The following PKHD1 variants were observed in gnomAD, a reference collection of about 807,000 sequenced individuals.
PKHD1 encodes fibrocystin.
PKHD1 carries 291 observed loss-of-function variants against 412.0 expected under a neutral mutation model. That is an observed-to-expected ratio of 0.71 (90% CI 0.64 to 0.78). PKHD1 has a LOEUF of 0.78. PKHD1 is among the 30% of genes least tolerant of loss of function. The pLI is 0.00. For missense variants in PKHD1, 4,825 were observed against 4,950.7 expected, an observed-to-expected ratio of 0.97 and a Z score of 0.76; for synonymous variants, 1,777 against 1,821.5, an observed-to-expected ratio of 0.98 and a Z score of 0.62.
chr6:51,931,675 A>G (rs144249735), intron 37 of PKHD1, among the ~76,000 whole-genome samples: 1 of 152,242 alleles, frequency 6.6e-6, no homozygotes, highest in African/African-American at 2.4e-5. Flanking sequence ...GCATCACATC[A>G]GAGAGGAAAT....
intron 54 of PKHD1, 83 bp from the exon 55 acceptor site, chr6:51,772,872 T>C: frequency 1.3e-6 from 1 of 799,596 alleles, no homozygotes; most frequent in Non-Finnish European, 2.3e-6. Flanking sequence ...TTCCAGAGGC[T>C]GTTGTGCAAA....
chr6:52,002,207 A>G (rs1798488974), intron 35 of PKHD1, among the ~76,000 whole-genome samples: 1 of 152,182 alleles, frequency 6.6e-6, no homozygotes, highest in Non-Finnish European at 1.5e-5. Context: ...GGTTTCTCCT[A>G]CTATTATACG....
At chr6:51,931,989 G>A (rs1470668088) in intron 37 of PKHD1, among the ~76,000 whole-genome samples, 1 of 152,018 alleles carries the variant, frequency 6.6e-6, no homozygotes, top group Non-Finnish European at 1.5e-5. Context: ...GAATAAAGGA[G>A]AGGGAGAGAG....
intron 52 of PKHD1, among the ~76,000 whole-genome samples, chr6:51,825,923 G>A (rs1767224176): frequency 6.6e-6 from 1 of 151,972 alleles, no homozygotes; most frequent in South Asian, 2.1e-4. Context: ...ACCAAAATTT[G>A]AGAACTACAC....
chr6:51,999,820 G>A (rs769804270), intron 35 of PKHD1, among the ~76,000 whole-genome samples: 5 of 152,070 alleles, frequency 3.3e-5, no homozygotes, highest in Non-Finnish European at 7.4e-5. Context: ...GTCTAGTATA[G>A]AACCACATAT....
intron 50 of PKHD1, among the ~76,000 whole-genome samples, chr6:51,843,224 G>T (rs1273839571): frequency 6.6e-6 from 1 of 152,174 alleles, no homozygotes; most frequent in Non-Finnish European, 1.5e-5. Context: ...TGTTCTTAGA[G>T]GCAGATAAAG....
intron 43 of PKHD1, among the ~76,000 whole-genome samples, chr6:51,898,722 A>C (rs1780602387): frequency 1.4e-5 from 2 of 139,318 alleles, no homozygotes; most frequent in African/African-American, 5.5e-5. Flanking sequence ...TAATGAATCC[A>C]GGAGCTGGTT....
At chr6:51,645,035 G>A (rs1769911127) in intron 63 of PKHD1, among the ~76,000 whole-genome samples, 1 of 152,144 alleles carries the variant, frequency 6.6e-6, no homozygotes, top group Non-Finnish European at 1.5e-5. Flanking sequence ...TAAGAATGGA[G>A]ATATTTGGCC....
intron 55 of PKHD1, among the ~76,000 whole-genome samples, chr6:51,768,001 T>A (rs1789417683): frequency 6.6e-6 from 1 of 152,082 alleles, no homozygotes; most frequent in African/African-American, 2.4e-5. Context: ...TTTTTAATGA[T>A]CGCCATTCTA....
chr6:51,736,783 C>G (rs1374190298), intron 60 of PKHD1, among the ~76,000 whole-genome samples: 1 of 152,122 alleles, frequency 6.6e-6, no homozygotes, highest in Non-Finnish European at 1.5e-5. Context: ...CTCCAATCTC[C>G]CATTTTATAA....
chr6:51,941,293 G>GGCCGGAC (rs1438872790), intron 36 of PKHD1, among the ~76,000 whole-genome samples: 1 of 125,102 alleles, frequency 8.0e-6, no homozygotes, highest in Non-Finnish European at 1.6e-5. Context: ...CTGTCGCCCA[G>GGCCGGAC]GCCGGACTGC....
At chr6:51,619,797 G>A (rs1453980645) in intron 66 of PKHD1, among the ~76,000 whole-genome samples, 1 of 152,164 alleles carries the variant, frequency 6.6e-6, no homozygotes, top group Non-Finnish European at 1.5e-5. Context: ...ACCATGGTCA[G>A]GCCTTACCAA....
intron 52 of PKHD1, among the ~76,000 whole-genome samples, chr6:51,827,104 C>T (rs1767445938): frequency 6.6e-6 from 1 of 152,082 alleles, no homozygotes; most frequent in African/African-American, 2.4e-5. Flanking sequence ...TTTGTAAAAT[C>T]AGCAGTTCCA....
rs788507 is a variant in PKHD1 at position 51,838,968 on chromosome 6, A to G, written c.8108-2499T>C. Among the ~76,000 whole-genome samples, 1,411 of 152,346 alleles carry G rather than the reference A, an allele frequency of 9.3e-3. 29 individuals are homozygous for G. Among genetic ancestry groups the G allele is most frequent in the African/African-American group, 0.032 (1,321 of 41,592 alleles). On this transcript the variant is annotated intron_variant, in intron 50 of 66. Transcript: ENST00000371117. ...GAACAATAAATGTTAACTATTATCA[A>G]TACTGTCATTATGGCATGTTCATGA... is the stretch of plus-strand genomic sequence containing the variant.
At chr6:51,849,546 A>C (rs1771816799) in intron 49 of PKHD1, among the ~76,000 whole-genome samples, 1 of 152,074 alleles carries the variant, frequency 6.6e-6, no homozygotes, top group South Asian at 2.1e-4. Flanking sequence ...CCACAGCCTC[A>C]CCAGCTTTCA....
Position 51,993,026 on chromosome 6 carries a change from GCTCCC to G in PKHD1, c.5751+17278_5751+17282del, listed in dbSNP as rs1797228647. 2.0e-5 allele frequency among the ~76,000 whole-genome samples: 3 copies of G among 152,314 alleles called. No homozygotes were observed. In the South Asian group the frequency reaches 6.2e-4, roughly 32 times the overall value. ...TATTAGCCTTGCAATTTCTTAATGG[GCTCCC>G]CTGAGGGCTGGCTGGTAGAATCCTG... On this transcript the variant is annotated intron_variant, in intron 35 of 66. Coordinates refer to ENST00000371117, the MANE Select transcript of PKHD1 (RefSeq NM_138694.4).
chr6:52,008,296 G>A (rs1008690248), intron 35 of PKHD1, among the ~76,000 whole-genome samples: 2 of 152,138 alleles, frequency 1.3e-5, no homozygotes, highest in African/African-American at 4.8e-5. Context: ...GAACTGGCCG[G>A]TCTGTATGGC....
In PKHD1 at chr6:51,887,130, T is replaced by G. The variant is rs1583202788; in HGVS notation, c.7109+3A>C. 1.3e-6 allele frequency: 2 copies of G among 1,575,536 alleles called. No individual in the cohort carries two copies. Among genetic ancestry groups the G allele is most frequent in the Non-Finnish European group, 1.7e-6 (2 of 1,144,872 alleles). On this transcript the variant is annotated splice_donor_region_variant and intron_variant, in intron 44 of 66. Transcript: ENST00000371117. The stretch of plus-strand genomic sequence containing the variant: ...AAACATAGATGAATTTCCCCAAAGT[T>G]ACCTGGTACAAGAATGTGCAATGTT...
At chr6:51,711,656 A>G (rs922973282) in intron 60 of PKHD1, among the ~76,000 whole-genome samples, 7 of 152,202 alleles carry the variant, frequency 4.6e-5, no homozygotes, top group Non-Finnish European at 1.0e-4. Flanking sequence ...TTTATAATGA[A>G]AAAGAGTCAC....
Sources: gnomAD v4.1 joint callset for allele counts (sites outside exome capture counted in the v4.1 genomes callset) on GRCh38, gnomAD v4.1.1 for gene constraint, MANE v1.5 for transcripts, NCBI Gene and HGNC (gene_info 2026-07-23, HGNC 2026-07-21) for gene names.